Variants in GAB2 observed in about 807,000 individuals in gnomAD.
GAB2 encodes GRB2-associated-binding protein 2.
A neutral mutation model predicts 65.5 loss-of-function variants in GAB2; 26 were observed. The ratio of observed to expected loss-of-function variants is 0.40; its 90% CI spans 0.29 to 0.55. GAB2 has a LOEUF of 0.55. Ranked by LOEUF, GAB2 falls within the 20% of genes least tolerant of loss-of-function variation. GAB2 has a pLI of 0.53. For missense variants in GAB2, 884 were observed against 875.8 expected (o/e 1.01, Z -0.12); for synonymous variants, 321 against 329.6 (o/e 0.97, Z 0.28).
chr11:78,266,618 T>C (rs1450650096), intron 2 of GAB2, among the ~76,000 whole-genome samples: 2 of 152,192 alleles, frequency 1.3e-5, no homozygotes, highest in Non-Finnish European at 2.9e-5. Flanking sequence ...TATCTGGTAG[T>C]TATATCTTGG....
chr11:78,324,025 T>C (rs932353669), intron 1 of GAB2, among the ~76,000 whole-genome samples: 1 of 152,046 alleles, frequency 6.6e-6, no homozygotes, highest in African/African-American at 2.4e-5. Context: ...CTCAAACTAC[T>C]GACCTCAGGT....
At chr11:78,341,639 T>G (rs756999598) in intron 1 of GAB2, 9 of 354,002 alleles carry the variant, frequency 2.5e-5, no homozygotes, top group Non-Finnish European at 3.6e-5. Context: ...AGTCAACAAT[T>G]TCACTTTGGT....
chr11:78,317,558 CAAAA>C (rs370515492), intron 1 of GAB2, among the ~76,000 whole-genome samples: 7 of 60,818 alleles, frequency 1.2e-4, no homozygotes, highest in Admixed American at 5.7e-4. Flanking sequence ...GACTCCGTCT[CAAAA>C]AAAAAAAAAA....
chr11:78,381,525 C>CT (rs1345335351), intron 1 of GAB2, among the ~76,000 whole-genome samples: 1 of 152,182 alleles, frequency 6.6e-6, no homozygotes, highest in Non-Finnish European at 1.5e-5. Context: ...AGAAATGGCT[C>CT]TTCCTCCTCC....
chr11:78,313,031 T>A (rs1855532940), intron 1 of GAB2, among the ~76,000 whole-genome samples: 1 of 152,210 alleles, frequency 6.6e-6, no homozygotes, highest in Admixed American at 6.5e-5. Flanking sequence ...TGGGTGGTGA[T>A]CTATCAGTCC....
intron 1 of GAB2, among the ~76,000 whole-genome samples, chr11:78,394,204 C>G (rs149268509): frequency 6.6e-6 from 1 of 152,300 alleles, no homozygotes; most frequent in East Asian, 1.9e-4. Flanking sequence ...AGGAGAATGG[C>G]GTGAACCCAG....
intron 1 of GAB2, among the ~76,000 whole-genome samples, chr11:78,338,983 C>T (rs1017023817): frequency 1.3e-5 from 2 of 151,904 alleles, no homozygotes; most frequent in Admixed American, 1.3e-4. Context: ...AGTGCAGTGG[C>T]GTCATCTCAG....
intron 3 of GAB2, among the ~76,000 whole-genome samples, chr11:78,240,028 G>A (rs1865085092): frequency 6.6e-6 from 1 of 151,900 alleles, no homozygotes; most frequent in South Asian, 2.1e-4. Context: ...GGGGGGTCAA[G>A]CAGAAGTAAA....
chr11:78,303,413 T>C (rs1414315934), intron 1 of GAB2, among the ~76,000 whole-genome samples: 1 of 152,222 alleles, frequency 6.6e-6, no homozygotes, highest in Non-Finnish European at 1.5e-5. Context: ...GCAGCATTTG[T>C]TGAAAAGAAA....
chr11:78,393,899 G>T (rs1417589436), intron 1 of GAB2, among the ~76,000 whole-genome samples: 1 of 152,192 alleles, frequency 6.6e-6, no homozygotes, highest in Non-Finnish European at 1.5e-5. Flanking sequence ...TTGGTAAATA[G>T]AACTCACAAC....
intron 1 of GAB2, among the ~76,000 whole-genome samples, chr11:78,311,430 T>G (rs765693214): frequency 6.6e-6 from 1 of 152,066 alleles, no homozygotes; most frequent in Non-Finnish European, 1.5e-5. Context: ...AAGAATATTA[T>G]ATATATAAAC....
chr11:78,276,910 C>A (rs1357443517), intron 2 of GAB2, among the ~76,000 whole-genome samples: 1 of 152,206 alleles, frequency 6.6e-6, no homozygotes, highest in East Asian at 1.9e-4. Flanking sequence ...CTCCGCCTCC[C>A]AGGTTCACGC....
chr11:78,379,736 C>G (rs1856674428), intron 1 of GAB2, among the ~76,000 whole-genome samples: 1 of 152,212 alleles, frequency 6.6e-6, no homozygotes, highest in Non-Finnish European at 1.5e-5. Context: ...TCATGTCTGT[C>G]ATTGTGACTG....
chr11:78,236,155 C>A (rs926149238), intron 3 of GAB2, among the ~76,000 whole-genome samples: 1 of 152,302 alleles, frequency 6.6e-6, no homozygotes, highest in East Asian at 1.9e-4. Context: ...AGAGGTGTTG[C>A]ATGTTTGTTG....
intron 1 of GAB2, among the ~76,000 whole-genome samples, chr11:78,349,252 A>C (rs746771131): frequency 6.6e-6 from 1 of 152,240 alleles, no homozygotes; most frequent in Non-Finnish European, 1.5e-5. Flanking sequence ...TTAGCAAGCT[A>C]CTACCTCCCA....
chr11:78,287,863 G>C (rs868842221), intron 1 of GAB2, among the ~76,000 whole-genome samples: 1 of 148,564 alleles, frequency 6.7e-6, no homozygotes, highest in South Asian at 2.2e-4. Flanking sequence ...GGCCAGGCTG[G>C]TCTTGAACTC....
intron 2 of GAB2, among the ~76,000 whole-genome samples, chr11:78,271,991 CTT>C (rs1292738609): frequency 1.3e-5 from 2 of 152,276 alleles, no homozygotes; most frequent in Non-Finnish European, 2.9e-5. Context: ...AGCTCTCTCT[CTT>C]GGCCTGCTGC....
At chr11:78,303,643 G>T (rs907882019) in intron 1 of GAB2, among the ~76,000 whole-genome samples, 1 of 152,034 alleles carries the variant, frequency 6.6e-6, no homozygotes, top group African/African-American at 2.4e-5. Flanking sequence ...GGTTATTCTT[G>T]GTCCTTTGCA....
intron 1 of GAB2, among the ~76,000 whole-genome samples, chr11:78,363,587 T>C (rs1026437715): frequency 1.6e-5 from 2 of 128,502 alleles, no homozygotes; most frequent in Non-Finnish European, 3.2e-5. Flanking sequence ...ATATATTTTC[T>C]TTTTTTTTTT....
Sources: gnomAD v4.1 joint callset for allele counts (sites outside exome capture counted in the v4.1 genomes callset) on GRCh38, gnomAD v4.1.1 for gene constraint, MANE v1.5 for transcripts, NCBI Gene and HGNC (gene_info 2026-07-23, HGNC 2026-07-21) for gene names.